Variants in ARHGEF3 observed in about 807,000 individuals in gnomAD.
ARHGEF3 encodes the protein 59.8 kDA protein.
In ARHGEF3, 28 loss-of-function variants were observed where a neutral mutation model predicts 63.2. That is an observed-to-expected ratio of 0.44 (90% CI 0.33 to 0.61). The LOEUF (loss-of-function observed/expected upper bound fraction) is 0.61, where lower values mean the gene tolerates loss of function less well. ARHGEF3 is among the 20% of genes least tolerant of loss of function. ARHGEF3 has a pLI of 0.03. For synonymous variants in ARHGEF3, 266 were observed against 254.2 expected, an observed-to-expected ratio of 1.05 and a Z score of -0.44; for missense variants, 533 against 659.3, an observed-to-expected ratio of 0.81 and a Z score of 2.10.
At chr3:57,048,803 AT>A (rs1278846880) in intron 1 of ARHGEF3, among the ~76,000 whole-genome samples, 4 of 152,160 alleles carry the variant, frequency 2.6e-5, no homozygotes, top group Non-Finnish European at 5.9e-5. Flanking sequence ...ACTCCTGCTA[AT>A]TGCAGGAGGG....
chr3:56,852,975 C>T (rs1400891293), intron 4 of ARHGEF3, among the ~76,000 whole-genome samples: 1 of 152,160 alleles, frequency 6.6e-6, no homozygotes, highest in African/African-American at 2.4e-5. Flanking sequence ...CCAGAAAGTG[C>T]TTTAGTCAAG....
At chr3:56,795,651 C>CTTTTTT (rs1334745035) in intron 1 of ARHGEF3, among the ~76,000 whole-genome samples, 1 of 73,780 alleles carries the variant, frequency 1.4e-5, no homozygotes, top group Non-Finnish European at 2.5e-5. Flanking sequence ...CACAGTCTCT[C>CTTTTTT]TCTCTTTTTT....
At chr3:57,074,065 A>G (rs746023639) in intron 1 of ARHGEF3, 8 of 1,613,990 alleles carry the variant, frequency 5.0e-6, no homozygotes, top group Non-Finnish European at 6.8e-6. Flanking sequence ...GTTATTCATA[A>G]CTCTACACCT....
At chr3:56,982,083 C>A (rs1011409465) in intron 2 of ARHGEF3, among the ~76,000 whole-genome samples, 4 of 152,154 alleles carry the variant, frequency 2.6e-5, no homozygotes, top group African/African-American at 9.7e-5. Flanking sequence ...TGGAGCTGTG[C>A]AGGGCATCTT....
chr3:56,880,118 T>C (rs1205367975), intron 4 of ARHGEF3, among the ~76,000 whole-genome samples: 2 of 152,166 alleles, frequency 1.3e-5, no homozygotes, highest in Non-Finnish European at 2.9e-5. Context: ...TATAATACTA[T>C]GTGGCAATAA....
chr3:56,761,639 G>C (rs1440157156), intron 2 of ARHGEF3, among the ~76,000 whole-genome samples: 3 of 152,094 alleles, frequency 2.0e-5, no homozygotes, highest in Non-Finnish European at 4.4e-5. Context: ...CTTGCTATGT[G>C]CTGGGCACTG....
intron 3 of ARHGEF3, among the ~76,000 whole-genome samples, chr3:56,958,503 A>AT (rs1480003839): frequency 6.1e-4 from 92 of 149,976 alleles, no homozygotes; most frequent in Middle Eastern, 6.8e-3. Context: ...TAATTTTCAT[A>AT]TTTTTTTTTG....
At chr3:57,002,498 T>TTATA (rs1553802543) in intron 2 of ARHGEF3, among the ~76,000 whole-genome samples, 6 of 13,498 alleles carry the variant, frequency 4.4e-4, no homozygotes, top group East Asian at 3.5e-3. Context: ...TATATATATG[T>TTATA]TATATATATA....
intron 2 of ARHGEF3, among the ~76,000 whole-genome samples, chr3:56,978,582 A>G (rs1701209955): frequency 6.6e-6 from 1 of 152,242 alleles, no homozygotes; most frequent in African/African-American, 2.4e-5. Flanking sequence ...CAAATTAGCA[A>G]CTTCTATATG....
At chr3:57,027,995 T>G (rs971912374) in intron 2 of ARHGEF3, among the ~76,000 whole-genome samples, 1 of 151,950 alleles carries the variant, frequency 6.6e-6, no homozygotes, top group Non-Finnish European at 1.5e-5. Flanking sequence ...CTATGAGATA[T>G]CATCTCACAT....
At chr3:56,969,389 T>C (rs1459891939) in intron 2 of ARHGEF3, among the ~76,000 whole-genome samples, 1 of 113,792 alleles carries the variant, frequency 8.8e-6, no homozygotes, top group Non-Finnish European at 1.9e-5. Flanking sequence ...TTCTTATTGA[T>C]TGATCAATAA....
At chr3:56,795,617 A>G (rs929719067) in intron 1 of ARHGEF3, among the ~76,000 whole-genome samples, 13 of 150,432 alleles carry the variant, frequency 8.6e-5, no homozygotes, top group Non-Finnish European at 1.5e-4. Flanking sequence ...GAAGGTTTGG[A>G]AACCTTTCCT....
intron 2 of ARHGEF3, among the ~76,000 whole-genome samples, chr3:57,013,461 G>C (rs1025029952): frequency 5.9e-5 from 9 of 152,156 alleles, no homozygotes; most frequent in African/African-American, 2.2e-4. Flanking sequence ...TAATCTGGTG[G>C]TGACTTGGAG....
intron 3 of ARHGEF3, among the ~76,000 whole-genome samples, chr3:56,929,401 A>G (rs2042354444): frequency 6.6e-6 from 1 of 152,170 alleles, no homozygotes; most frequent in Non-Finnish European, 1.5e-5. Flanking sequence ...ATCTCTACTG[A>G]GTCGACAGTA....
chr3:56,889,322 C>T (rs984196542), intron 3 of ARHGEF3, among the ~76,000 whole-genome samples: 5 of 152,110 alleles, frequency 3.3e-5, no homozygotes, highest in East Asian at 1.9e-4. Flanking sequence ...AAGAGCTGGC[C>T]GTGGTCCAAG....
chr3:56,876,862 T>C (rs1158421672), intron 4 of ARHGEF3, among the ~76,000 whole-genome samples: 1 of 152,162 alleles, frequency 6.6e-6, no homozygotes, highest in African/African-American at 2.4e-5. Flanking sequence ...TCAGGGGCTT[T>C]CCTAAAGGGT....
chr3:57,055,852 T>C (rs927305349), intron 1 of ARHGEF3, among the ~76,000 whole-genome samples: 4 of 152,216 alleles, frequency 2.6e-5, no homozygotes, highest in Non-Finnish European at 5.9e-5. Flanking sequence ...TTCCACCTTA[T>C]ATAAAGCTTC....
intron 3 of ARHGEF3, among the ~76,000 whole-genome samples, chr3:56,950,445 A>G (rs1699745612): frequency 6.6e-6 from 1 of 151,658 alleles, no homozygotes; most frequent in South Asian, 2.1e-4. Flanking sequence ...AAAAAAAGAA[A>G]CAACCCCATC....
intron 1 of ARHGEF3, among the ~76,000 whole-genome samples, chr3:57,047,177 G>A (rs949887515): frequency 6.6e-6 from 1 of 152,152 alleles, no homozygotes; most frequent in African/African-American, 2.4e-5. Flanking sequence ...GTGAAACCCC[G>A]TCTCCACTAA....
Sources: allele counts gnomAD v4.1 joint callset (sites outside exome capture counted in the v4.1 genomes callset), GRCh38; gene constraint gnomAD v4.1.1; transcripts MANE v1.5; gene names NCBI Gene and HGNC (gene_info 2026-07-23, HGNC 2026-07-21).